The following EGFR variants were observed in gnomAD, a reference collection of about 807,000 sequenced individuals.
EGFR encodes the protein avian erythroblastic leukemia viral (v-erb-b) oncogene homolog.
In EGFR, 58 loss-of-function variants were observed where a neutral mutation model predicts 143.0. The observed-to-expected ratio is 0.41, with a 90% CI of 0.33 to 0.50. EGFR has a LOEUF of 0.50. Among genes scored for constraint, EGFR ranks in the 20% least tolerant of loss-of-function variants. The probability of loss-of-function intolerance (pLI) is 0.39; values close to 1 mark genes in which losing one functional copy is unlikely to be tolerated. For synonymous variants in EGFR, 613 were observed against 594.4 expected (o/e 1.03, Z -0.45); for missense variants, 1,307 against 1,579.0 (o/e 0.83, Z 2.92).
chr7:55,202,414 A>G (rs1030374296), intron 26 of EGFR, 103 bp from the exon 27 acceptor site: 20 of 1,003,776 alleles, frequency 2.0e-5, no homozygotes, highest in Non-Finnish European at 2.6e-5. Context: ...TGCCCAACCT[A>G]CTAATCAGAA....
intron 14 of EGFR, 144 bp downstream of exon 14, chr7:55,163,967 C>T (rs538079210): frequency 1.8e-5 from 16 of 866,192 alleles, no homozygotes; most frequent in Admixed American, 3.8e-5. Flanking sequence ...GCGCTGACAG[C>T]GCTGTCCGGG....
chr7:55,050,089 C>T (rs1025525579), intron 1 of EGFR, among the ~76,000 whole-genome samples: 10 of 152,176 alleles, frequency 6.6e-5, no homozygotes, highest in African/African-American at 2.4e-4. Flanking sequence ...GCAAAATATA[C>T]ACAACATAAA....
chr7:55,195,829 T>C (rs1787590385), intron 22 of EGFR, among the ~76,000 whole-genome samples: 1 of 152,226 alleles, frequency 6.6e-6, no homozygotes, highest in African/African-American at 2.4e-5. Flanking sequence ...GCTCCATCCA[T>C]GTTCTTGCAA....
Position 55,142,172 on chromosome 7 carries a change from T to C in EGFR, c.89-114T>C, listed in dbSNP as rs1376703245. On this transcript the variant is annotated intron_variant, in intron 1 of 27. Transcript: ENST00000275493. ...CTGGGCAGGAATGGGTGAGTCTCTG[T>C]GTGGAGAGAGTGAAGAAACTGCTAC... The C allele has an allele frequency of 3.9e-6, 5 of 1,291,560 alleles. No individual in the cohort carries two copies. The East Asian group carries it at 7.1e-5, about 18-fold the overall frequency. The allele number at this position is 1,291,560 out of a possible 1,614,324, so 80.0% of individuals were successfully genotyped here.
chr7:55,098,013 A>G (rs1297936468), intron 1 of EGFR, among the ~76,000 whole-genome samples: 1 of 152,214 alleles, frequency 6.6e-6, no homozygotes, highest in East Asian at 1.9e-4. Context: ...AAATATAATG[A>G]AAAATACTCA....
At chr7:55,065,196 A>G (rs1210050557) in intron 1 of EGFR, among the ~76,000 whole-genome samples, 3 of 152,218 alleles carry the variant, frequency 2.0e-5, no homozygotes, top group African/African-American at 7.2e-5. Flanking sequence ...GGAATTTCTT[A>G]GTGTTACTGG....
intron 15 of EGFR, among the ~76,000 whole-genome samples, chr7:55,169,476 T>C (rs1261718647): frequency 6.6e-6 from 1 of 152,112 alleles, no homozygotes; most frequent in Non-Finnish European, 1.5e-5. Context: ...TTTATCCTAA[T>C]AAACCAAATA....
chr7:55,035,684 C>T (rs930759931), intron 1 of EGFR, among the ~76,000 whole-genome samples: 2 of 116,466 alleles, frequency 1.7e-5, no homozygotes, highest in African/African-American at 3.7e-5. Context: ...GACTCTGTCT[C>T]GGAAAAAAAA....
chr7:55,022,927 T>C (rs889458263), intron 1 of EGFR, among the ~76,000 whole-genome samples: 2 of 152,236 alleles, frequency 1.3e-5, no homozygotes, highest in Non-Finnish European at 2.9e-5. Flanking sequence ...AGATGAAGGA[T>C]TCCTCCCTGT....
chr7:55,071,953 T>C (rs567373053), intron 1 of EGFR, among the ~76,000 whole-genome samples: 1 of 152,322 alleles, frequency 6.6e-6, no homozygotes, highest in African/African-American at 2.4e-5. Flanking sequence ...ACAGCCAATA[T>C]TGCAGCACAT....
At chr7:55,110,245 T>C (rs1426453136) in intron 1 of EGFR, among the ~76,000 whole-genome samples, 2 of 152,242 alleles carry the variant, frequency 1.3e-5, no homozygotes, top group African/African-American at 4.8e-5. Context: ...TAAATATCTA[T>C]TTTCTTTTCC....
chr7:55,143,127 C>A (rs187383901), intron 2 of EGFR, among the ~76,000 whole-genome samples, 178 bp from the exon 3 acceptor site: 2 of 152,266 alleles, frequency 1.3e-5, no homozygotes, highest in Non-Finnish European at 2.9e-5. Flanking sequence ...TGTTGCAGAT[C>A]GTGGACATGC....
intron 24 of EGFR, 35 bp from the exon 25 acceptor site, chr7:55,201,153 G>A (rs766654453): frequency 2.5e-5 from 40 of 1,613,738 alleles, no homozygotes; most frequent in South Asian, 2.0e-4. Context: ...GCATCTCTAC[G>A]GGCCATTCTA....
At chr7:55,125,856 T>C (rs952365323) in intron 1 of EGFR, among the ~76,000 whole-genome samples, 3 of 152,250 alleles carry the variant, frequency 2.0e-5, no homozygotes, top group Non-Finnish European at 4.4e-5. Context: ...CATCTGCACA[T>C]GTTCCTCTTC....
chr7:55,071,260 T>C (rs2128883974), intron 1 of EGFR, among the ~76,000 whole-genome samples: 1 of 152,346 alleles, frequency 6.6e-6, no homozygotes, highest in East Asian at 1.9e-4. Context: ...TCATAGAAGA[T>C]AGGAACACAT....
intron 1 of EGFR, among the ~76,000 whole-genome samples, chr7:55,036,597 T>C (rs1057025705): frequency 4.3e-4 from 65 of 152,156 alleles, no homozygotes; most frequent in African/African-American, 1.5e-3. Context: ...GGCTAAGATT[T>C]TATTAGAAAA....
chr7:55,045,335 T>A (rs961703600), intron 1 of EGFR, among the ~76,000 whole-genome samples: 4 of 152,252 alleles, frequency 2.6e-5, no homozygotes, highest in Non-Finnish European at 5.9e-5. Flanking sequence ...ATGAGAATTT[T>A]AAAATAAATT....
intron 1 of EGFR, among the ~76,000 whole-genome samples, chr7:55,057,228 GAATTTGCTCTTTATA>G (rs1203453943): frequency 2.0e-5 from 3 of 152,192 alleles, no homozygotes; most frequent in Non-Finnish European, 4.4e-5. Context: ...TCCTAAAATG[GAATTTGCTCTTTATA>G]AAGTTGCGAA....
In EGFR at chr7:55,205,326, T is replaced by A. The variant is rs1221232768; in HGVS notation, c.3342T>A (p.Pro1114=). The A allele has an allele frequency of 1.2e-6, 2 of 1,612,200 alleles. No homozygotes were observed. Among genetic ancestry groups the A allele is most frequent in the African/African-American group, 1.3e-5 (1 of 74,834 alleles). The change falls in exon 28 of 28, where the codon CCT becomes CCA. Residue 1114 remains proline, a synonymous_variant. Coordinates refer to ENST00000275493, the MANE Select transcript of EGFR (RefSeq NM_005228.5). Reference sequence around the variant, plus strand: ...AGAATCCTGTCTATCACAATCAGCCTCTGAACCCCGCGCCCAGCAGAGACC... The same window carrying A: ...AGAATCCTGTCTATCACAATCAGCCACTGAACCCCGCGCCCAGCAGAGACC... ...SVQNPVYHNQ[P]LNPAPSRDPH...
Sources: gnomAD v4.1 joint callset for allele counts (sites outside exome capture counted in the v4.1 genomes callset) on GRCh38, gnomAD v4.1.1 for gene constraint, MANE v1.5 for transcripts, NCBI Gene and HGNC (gene_info 2026-07-23, HGNC 2026-07-21) for gene names.